ANKAR: variants seen among roughly 807,000 people sequenced by gnomAD.
ANKAR encodes ankyrin and armadillo repeat containing.
Under a neutral mutation model 146.2 loss-of-function variants are expected in ANKAR, and 136 were observed. That is an observed-to-expected ratio of 0.93 (90% CI 0.81 to 1.07). The LOEUF is 1.07. ANKAR is among the 50% of genes least tolerant of loss of function. The pLI is 0.00. For missense variants in ANKAR, 1,567 were observed against 1,679.9 expected, an observed-to-expected ratio of 0.93 and a Z score of 1.18; for synonymous variants, 500 against 575.8, an observed-to-expected ratio of 0.87 and a Z score of 1.88.
chr2:189,717,925 C>T (rs1357107244), intron 10 of ANKAR, among the ~76,000 whole-genome samples: 2 of 151,872 alleles, frequency 1.3e-5, no homozygotes, highest in African/African-American at 2.4e-5. Context: ...CATCACATAC[C>T]AGGGCCTGTT....
downstream of ANKAR, chr2:189,750,580 A>G (rs1313226311): frequency 1.9e-6 from 3 of 1,557,378 alleles, no homozygotes; most frequent in South Asian, 2.3e-5. Flanking sequence ...AGCAGAAATC[A>G]TATCTCCATT....
chr2:189,712,859 G>T (rs2039893703), intron 10 of ANKAR, among the ~76,000 whole-genome samples: 1 of 152,136 alleles, frequency 6.6e-6, no homozygotes, highest in South Asian at 2.1e-4. Context: ...CCATCACAAG[G>T]AAGCTAAAAC....
At chr2:189,687,451 G>T (rs1014622527) in intron 2 of ANKAR, among the ~76,000 whole-genome samples, 3 of 152,092 alleles carry the variant, frequency 2.0e-5, no homozygotes, top group African/African-American at 7.2e-5. Flanking sequence ...TTGATATTCC[G>T]ATTTCCTTTC....
chr2:189,702,391 A>G (rs2038206540), intron 7 of ANKAR, among the ~76,000 whole-genome samples: 2 of 152,154 alleles, frequency 1.3e-5, no homozygotes, highest in Admixed American at 1.3e-4. Flanking sequence ...TAACTCTCAT[A>G]CTTGTCCACA....
At chr2:189,688,494 G>A (rs1449835578) in intron 2 of ANKAR, among the ~76,000 whole-genome samples, 1 of 152,068 alleles carries the variant, frequency 6.6e-6, no homozygotes, top group African/African-American at 2.4e-5. Flanking sequence ...TTTCTATGAA[G>A]AACAGTGACT....
In ANKAR at chr2:189,728,833, T is replaced by TA. The variant is rs1559129740; in HGVS notation, c.3193+13dup. On this transcript the variant is annotated intron_variant, in intron 15 of 22. Coordinates refer to ENST00000684021, the MANE Select transcript of ANKAR (RefSeq NM_001378068.1). The stretch of plus-strand genomic sequence containing the variant: ...ATCCATTTGTATTGGTTTGTATACT[T>TA]ATTCTCAATTTCTTAAATATCTGTA... 3.1e-6 allele frequency: 5 copies of TA among 1,600,008 alleles called. No homozygotes were observed. The highest frequency in any genetic ancestry group is 4.3e-6 in the Non-Finnish European group (5 of 1,171,366).
At chr2:189,726,233 A>C (rs116750636) in intron 12 of ANKAR, among the ~76,000 whole-genome samples, 3,091 of 152,314 alleles carry the variant, frequency 0.02, 43 homozygotes, top group Non-Finnish European at 0.032. Context: ...TATACAGTAG[A>C]GAAACTGGGT....
intron 17 of ANKAR, among the ~76,000 whole-genome samples, chr2:189,733,999 T>C (rs2105862816): frequency 6.6e-6 from 1 of 152,264 alleles, no homozygotes; most frequent in African/African-American, 2.4e-5. Context: ...CCAGTTATTT[T>C]ATAGAATATC....
chr2:189,735,109 T>C (rs2042733665), intron 17 of ANKAR, among the ~76,000 whole-genome samples: 1 of 151,964 alleles, frequency 6.6e-6, no homozygotes, highest in Non-Finnish European at 1.5e-5. Context: ...GCCCCTCTAC[T>C]CTGTTCCTTC....
intron 12 of ANKAR, among the ~76,000 whole-genome samples, chr2:189,722,726 CA>C (rs1233622504): frequency 1.3e-5 from 2 of 151,598 alleles, no homozygotes; most frequent in Non-Finnish European, 1.5e-5. Flanking sequence ...ACTAAAAATA[CA>C]AAAAAATTAT....
At chr2:189,703,189 T>A (rs2038341193) in intron 7 of ANKAR, among the ~76,000 whole-genome samples, 1 of 152,178 alleles carries the variant, frequency 6.6e-6, no homozygotes, top group African/African-American at 2.4e-5. Context: ...CTGTTCCTCA[T>A]AATCAGATGG....
At chr2:189,700,840 C>T (rs1372266403) in intron 7 of ANKAR, among the ~76,000 whole-genome samples, 6 of 152,148 alleles carry the variant, frequency 3.9e-5, no homozygotes, top group Non-Finnish European at 7.4e-5. Flanking sequence ...CAATTCCATC[C>T]ATGTTGTTGC....
At chr2:189,733,790 C>T (rs970126418) in intron 17 of ANKAR, among the ~76,000 whole-genome samples, 2 of 151,614 alleles carry the variant, frequency 1.3e-5, no homozygotes, top group African/African-American at 4.8e-5. Flanking sequence ...CAGCAATGTC[C>T]CTTTTTTGTT....
At chr2:189,713,256 A>C (rs1010438041) in intron 10 of ANKAR, among the ~76,000 whole-genome samples, 3 of 152,212 alleles carry the variant, frequency 2.0e-5, no homozygotes, top group African/African-American at 7.2e-5. Flanking sequence ...TCAATTCAGG[A>C]AATACAGAGA....
At chr2:189,683,279 G>A (rs1233176556) in intron 2 of ANKAR, among the ~76,000 whole-genome samples, 1 of 152,194 alleles carries the variant, frequency 6.6e-6, no homozygotes, top group Non-Finnish European at 1.5e-5. Flanking sequence ...AGGGAAAAGT[G>A]TATCCGCTGG....
chr2:189,751,444 GTTT>G (rs779920289), downstream of ANKAR, among the ~76,000 whole-genome samples: 3 of 126,134 alleles, frequency 2.4e-5, no homozygotes, highest in Admixed American at 8.4e-5. Context: ...GACAAGTTGT[GTTT>G]TTTTTTTTTT....
At chr2:189,745,018 C>CTAA (rs1480352634) in intron 22 of ANKAR, among the ~76,000 whole-genome samples, 76 of 53,870 alleles carry the variant, frequency 1.4e-3, no homozygotes, top group African/African-American at 2.7e-3. Flanking sequence ...ACTACTACTA[C>CTAA]TACTACTACT....
intron 17 of ANKAR, among the ~76,000 whole-genome samples, chr2:189,736,239 G>A (rs529269473): frequency 2.8e-4 from 42 of 152,278 alleles, no homozygotes; most frequent in African/African-American, 9.4e-4. Flanking sequence ...GACTTCCACA[G>A]TGATACCGCA....
intron 19 of ANKAR, among the ~76,000 whole-genome samples, chr2:189,741,132 A>G (rs1343876491): frequency 6.6e-6 from 1 of 152,230 alleles, no homozygotes; most frequent in African/African-American, 2.4e-5. Context: ...ACATAAACCT[A>G]TTTAATTTAC....
Sources: allele counts gnomAD v4.1 joint callset (sites outside exome capture counted in the v4.1 genomes callset), GRCh38; gene constraint gnomAD v4.1.1; transcripts MANE v1.5; gene names NCBI Gene and HGNC (gene_info 2026-07-23, HGNC 2026-07-21).